RGL1: variants seen among roughly 807,000 people sequenced by gnomAD.
The protein encoded by RGL1 is ral guanine nucleotide dissociation stimulator-like 1.
Under a neutral mutation model 95.2 loss-of-function variants are expected in RGL1, and 24 were observed. The observed-to-expected ratio is 0.25, with a 90% CI of 0.18 to 0.35. The LOEUF (loss-of-function observed/expected upper bound fraction) is 0.35, where lower values mean the gene tolerates loss of function less well. Ranked by LOEUF, RGL1 falls within the 10% of genes least tolerant of loss-of-function variation. The probability of loss-of-function intolerance (pLI) is 1.00; values close to 1 mark genes in which losing one functional copy is unlikely to be tolerated. For synonymous variants in RGL1, 329 were observed against 344.9 expected (o/e 0.95, Z 0.51); for missense variants, 715 against 936.3 (o/e 0.76, Z 3.08).
intron 2 of RGL1, among the ~76,000 whole-genome samples, chr1:183,826,015 A>ATCAG (rs1662821162): frequency 7.0e-6 from 1 of 143,320 alleles, no homozygotes; most frequent in South Asian, 2.3e-4. Context: ...AAATCAATCA[A>ATCAG]TCAATCAATC....
rs567794607 is a variant in RGL1, at chr1:183,926,491, G to A, written c.*199G>A. 116 of 425,472 alleles carry A rather than the reference G, an allele frequency of 2.7e-4. No homozygotes were observed. In the East Asian group the frequency reaches 3.7e-3, roughly 14 times the overall value. 26.4% of individuals were successfully genotyped at this position (425,472 alleles called of 1,614,324 possible). ...TGAATTTGACATGAAAAGGATGAAC[G>A]ATTCACTGATTCTCTTTGACTCATT... On this transcript the variant is annotated 3_prime_UTR_variant, in exon 18 of 18. Coordinates refer to ENST00000360851, the MANE Select transcript of RGL1 (RefSeq NM_001297671.3).
intron 2 of RGL1, among the ~76,000 whole-genome samples, chr1:183,790,068 C>T (rs1301039658): frequency 1.3e-5 from 2 of 151,634 alleles, no homozygotes; most frequent in Non-Finnish European, 2.9e-5. Context: ...TTACAGGCAC[C>T]CGCCACCACA....
rs141111989 is a variant in RGL1 at position 183,724,291 on chromosome 1, G to C, written c.-32-17835G>C. Reference sequence around the variant, plus strand: ...CTGCTTGAGAAAAGCAGAGGGAAGAGTAAAGGAGACTTCATCTTGCAGCTT... The same window carrying C: ...CTGCTTGAGAAAAGCAGAGGGAAGACTAAAGGAGACTTCATCTTGCAGCTT... On this transcript the variant is annotated intron_variant, in intron 1 of 18. Coordinates refer to the RGL1 transcript ENST00000304685. This position sits in a 1 kb window ranked among gnomAD's most constrained non-coding sequence, Gnocchi z 4.1. 2.0e-5 allele frequency among the ~76,000 whole-genome samples: 3 copies of C among 152,282 alleles called. No homozygotes were observed. The highest frequency in any genetic ancestry group is 7.2e-5 in the African/African-American group (3 of 41,542).
In RGL1 at chr1:183,823,288, T is replaced by A. The variant is rs564299545; in HGVS notation, c.138+16803T>A. On this transcript the variant is annotated intron_variant, in intron 2 of 17. Coordinates refer to ENST00000360851, the MANE Select transcript of RGL1 (RefSeq NM_001297671.3). ...TATTCTTTTGTCTTTTCTTCAAAAA[T>A]ATGAGTTATTATTAAACTAAGTTTC... Among the ~76,000 whole-genome samples, 17 of 152,316 alleles carry A rather than the reference T, an allele frequency of 1.1e-4. No individual in the cohort carries two copies. In the East Asian group the frequency reaches 2.9e-3, roughly 26 times the overall value.
intron 2 of RGL1, among the ~76,000 whole-genome samples, chr1:183,835,240 T>A (rs931792998): frequency 6.8e-5 from 9 of 131,414 alleles, no homozygotes; most frequent in Admixed American, 5.4e-4. Flanking sequence ...TAAATGTTTT[T>A]TTACAAGTCA....
intron 1 of RGL1, among the ~76,000 whole-genome samples, chr1:183,669,942 C>G (rs962566174): frequency 6.6e-6 from 1 of 152,116 alleles, no homozygotes; most frequent in Non-Finnish European, 1.5e-5. Context: ...GGTAACCACC[C>G]CTATGATTCA....
upstream of RGL1, among the ~76,000 whole-genome samples, chr1:183,804,196 C>CTT (rs1661144830): frequency 6.2e-5 from 1 of 16,194 alleles, no homozygotes; most frequent in African/African-American, 1.4e-4. Context: ...AGTGGGAGAC[C>CTT]TATTTTTTTT....
At chr1:183,796,501 C>A (rs914564839) in intron 2 of RGL1, among the ~76,000 whole-genome samples, 6 of 151,898 alleles carry the variant, frequency 4.0e-5, no homozygotes, top group African/African-American at 1.5e-4. Context: ...TGCACGTGTA[C>A]CCTAGAACTT....
At chr1:183,819,784 CTT>C (rs35090355) in intron 2 of RGL1, among the ~76,000 whole-genome samples, 130 of 142,634 alleles carry the variant, frequency 9.1e-4, no homozygotes, top group Admixed American at 9.1e-4. Context: ...CAACATTATA[CTT>C]TTTTTTTTTT....
intron 12 of RGL1, 35 bp from the exon 13 acceptor site, chr1:183,904,815 T>C: frequency 6.4e-7 from 1 of 1,563,260 alleles, no homozygotes; most frequent in Non-Finnish European, 8.6e-7. Flanking sequence ...TATTCAGTCT[T>C]TTTTTTTTAA....
intron 2 of RGL1, among the ~76,000 whole-genome samples, chr1:183,751,735 T>G (rs1658014016): frequency 6.6e-6 from 1 of 152,150 alleles, no homozygotes; most frequent in South Asian, 2.1e-4. Context: ...GGGAAAAGCT[T>G]AGTATCTGGG....
upstream of RGL1, among the ~76,000 whole-genome samples, chr1:183,800,145 A>G (rs1017741940): frequency 3.3e-5 from 5 of 152,200 alleles, no homozygotes; most frequent in South Asian, 6.2e-4. Flanking sequence ...ATCACTCCAT[A>G]TCATCCTACA....
intron 4 of RGL1, among the ~76,000 whole-genome samples, chr1:183,878,137 A>C (rs1210832362): frequency 6.6e-6 from 1 of 150,820 alleles, no homozygotes; most frequent in Non-Finnish European, 1.5e-5. Flanking sequence ...AAAAAAGCCC[A>C]TGTTGATTTT....
chr1:183,906,989 T>C, intron 13 of RGL1, 23 bp from the exon 14 acceptor site: 1 of 1,427,792 alleles, frequency 7.0e-7, no homozygotes, highest in Non-Finnish European at 9.9e-7. Flanking sequence ...TTTGACCTCA[T>C]GGAGCCCCCT....
At chr1:183,796,798 C>T (rs555585393) in intron 2 of RGL1, among the ~76,000 whole-genome samples, 3 of 152,306 alleles carry the variant, frequency 2.0e-5, no homozygotes, top group African/African-American at 7.2e-5. Flanking sequence ...TCAGCTCACC[C>T]AGCTCCCATT....
At chr1:183,694,393 A>G (rs550839690) in intron 1 of RGL1, among the ~76,000 whole-genome samples, 1 of 152,312 alleles carries the variant, frequency 6.6e-6, no homozygotes, top group East Asian at 1.9e-4. Flanking sequence ...CTTGACCCAT[A>G]TTCTTTACAT....
chr1:183,821,107 T>G (rs2102457729), intron 2 of RGL1, among the ~76,000 whole-genome samples: 1 of 152,156 alleles, frequency 6.6e-6, no homozygotes, highest in South Asian at 2.1e-4. Context: ...CAGTCCAGCC[T>G]GGGCGACAAG....
chr1:183,757,188 A>G (rs1168535114), intron 2 of RGL1, among the ~76,000 whole-genome samples: 2 of 152,190 alleles, frequency 1.3e-5, no homozygotes, highest in South Asian at 2.1e-4. Context: ...GAATGTCTGT[A>G]TGGAGACTGG....
intron 11 of RGL1, among the ~76,000 whole-genome samples, chr1:183,901,688 T>A (rs1210293049): frequency 2.0e-5 from 3 of 151,948 alleles, no homozygotes; most frequent in Non-Finnish European, 1.5e-5. Flanking sequence ...TGTCCCTCTT[T>A]CTCTCTGTTC....
Sources: gnomAD v4.1 joint callset for allele counts (sites outside exome capture counted in the v4.1 genomes callset) on GRCh38, gnomAD v4.1.1 for gene constraint, Gnocchi (gnomAD v3.1) non-coding constraint, MANE v1.5 for transcripts, NCBI Gene and HGNC (gene_info 2026-07-23, HGNC 2026-07-21) for gene names.